LUZP2: variants seen among roughly 807,000 people sequenced by gnomAD.
LUZP2 encodes leucine zipper protein 2.
Under a neutral mutation model 51.6 loss-of-function variants are expected in LUZP2, and 52 were observed. The ratio of observed to expected loss-of-function variants is 1.01; its 90% CI spans 0.81 to 1.27. The LOEUF is 1.27. Ranked by LOEUF, LUZP2 falls within the 50% of genes most tolerant of loss-of-function variation. LUZP2 has a pLI of 0.00. For missense variants in LUZP2, 436 were observed against 395.4 expected (o/e 1.10, Z -0.87); for synonymous variants, 154 against 137.3 (o/e 1.12, Z -0.85).
intron 9 of LUZP2, among the ~76,000 whole-genome samples, chr11:24,992,162 T>G (rs973360089): frequency 3.3e-5 from 5 of 152,040 alleles, no homozygotes; most frequent in Admixed American, 6.6e-5. Context: ...GCCTGTGAGC[T>G]CCTCATAAAT....
intron 5 of LUZP2, among the ~76,000 whole-genome samples, chr11:24,789,631 T>C (rs1315901990): frequency 1.3e-5 from 2 of 152,156 alleles, no homozygotes; most frequent in South Asian, 4.1e-4. Flanking sequence ...TGTTGTAAAA[T>C]GGGTGGCTTA....
rs368949921 is a variant in LUZP2, at chr11:24,525,702, T to TTC, written c.62+28405_62+28406dup. On this transcript the variant is annotated intron_variant, in intron 1 of 11. Coordinates refer to ENST00000336930, the MANE Select transcript of LUZP2 (RefSeq NM_001009909.4). Reference sequence around the variant, plus strand: ...TTTCATCTGCAAATTCTCTAATATGTTCTCTCTCTATATATATATATACAC... The same window carrying TTC: ...TTTCATCTGCAAATTCTCTAATATGTTCTCTCTCTCTATATATATATATACAC... 3.8e-3 allele frequency among the ~76,000 whole-genome samples: 579 copies of TTC among 151,342 alleles called. 2 individuals carry two copies. Among genetic ancestry groups the TTC allele is most frequent in the African/African-American group, 0.012 (499 of 41,450 alleles).
chr11:24,795,645 T>C (rs972930784), intron 5 of LUZP2, among the ~76,000 whole-genome samples: 25 of 152,114 alleles, frequency 1.6e-4, no homozygotes, highest in African/African-American at 5.8e-4. Context: ...TACCAGGTTC[T>C]CCTCTGTTGC....
intron 7 of LUZP2, among the ~76,000 whole-genome samples, chr11:24,926,491 A>G (rs1490084230): frequency 2.1e-5 from 2 of 95,794 alleles, no homozygotes; most frequent in African/African-American, 8.2e-5. Context: ...GTGTATATAT[A>G]TGTGTATATA....
chr11:25,000,173 A>T (rs1856640439), intron 9 of LUZP2, among the ~76,000 whole-genome samples: 1 of 152,142 alleles, frequency 6.6e-6, no homozygotes, highest in East Asian at 1.9e-4. Flanking sequence ...GTGTGTTTAC[A>T]AACCTTTAGC....
intron 9 of LUZP2, among the ~76,000 whole-genome samples, chr11:25,046,835 C>A (rs1858329589): frequency 6.6e-6 from 1 of 152,028 alleles, no homozygotes; most frequent in South Asian, 2.1e-4. Context: ...TATATAGCAT[C>A]ATTTCATGTT....
chr11:24,641,317 C>T (rs1855273953), intron 1 of LUZP2, among the ~76,000 whole-genome samples: 1 of 151,782 alleles, frequency 6.6e-6, no homozygotes, highest in South Asian at 2.1e-4. Context: ...CAACAACTTG[C>T]AGTTGATATT....
At chr11:24,988,375 G>A (rs1262874101) in intron 9 of LUZP2, among the ~76,000 whole-genome samples, 1 of 151,948 alleles carries the variant, frequency 6.6e-6, no homozygotes, top group Non-Finnish European at 1.5e-5. Flanking sequence ...GGAAACAAGA[G>A]AGTCTATGTC....
chr11:24,500,156 T>G (rs544603747), intron 1 of LUZP2, among the ~76,000 whole-genome samples: 1 of 152,316 alleles, frequency 6.6e-6, no homozygotes, highest in Middle Eastern at 3.4e-3. Flanking sequence ...TTAATGTATT[T>G]GTCCTGAAAG....
intron 1 of LUZP2, among the ~76,000 whole-genome samples, chr11:24,555,948 A>T (rs1267409467): frequency 6.6e-6 from 1 of 152,224 alleles, no homozygotes; most frequent in Admixed American, 6.5e-5. Context: ...ACTGCACTCC[A>T]GTGTGGGCAA....
chr11:24,566,861 G>A (rs1026976667), intron 1 of LUZP2, among the ~76,000 whole-genome samples: 58 of 124,622 alleles, frequency 4.7e-4, no homozygotes, highest in African/African-American at 1.4e-3. Flanking sequence ...CATATATAAT[G>A]TATATACACA....
At chr11:24,561,132 GC>G (rs1393910433) in intron 1 of LUZP2, among the ~76,000 whole-genome samples, 2 of 152,126 alleles carry the variant, frequency 1.3e-5, no homozygotes, top group Non-Finnish European at 2.9e-5. Flanking sequence ...CAGGTACTGT[GC>G]TAGACTCTGG....
At chr11:24,529,749 T>C (rs897770369) in intron 1 of LUZP2, among the ~76,000 whole-genome samples, 2 of 151,020 alleles carry the variant, frequency 1.3e-5, no homozygotes, top group African/African-American at 4.8e-5. Context: ...AGTTAGCCTA[T>C]AATACAAAAT....
chr11:24,658,872 T>A (rs1855912488), intron 1 of LUZP2, among the ~76,000 whole-genome samples: 1 of 152,310 alleles, frequency 6.6e-6, no homozygotes, highest in Admixed American at 6.5e-5. Flanking sequence ...CACAATGAGA[T>A]AGCATCTCAC....
chr11:24,861,848 G>C (rs916732646), intron 5 of LUZP2, among the ~76,000 whole-genome samples: 1 of 152,244 alleles, frequency 6.6e-6, no homozygotes, highest in East Asian at 1.9e-4. Context: ...CACATAGTTT[G>C]GTGCCACAGG....
intron 1 of LUZP2, among the ~76,000 whole-genome samples, chr11:24,605,291 T>A (rs767608079): frequency 1.3e-5 from 2 of 151,828 alleles, no homozygotes; most frequent in African/African-American, 4.8e-5. Flanking sequence ...ACATGTCCTC[T>A]AATTAAACTC....
chr11:24,558,734 GA>G (rs1324326931), intron 1 of LUZP2, among the ~76,000 whole-genome samples: 1 of 152,110 alleles, frequency 6.6e-6, no homozygotes, highest in Admixed American at 6.6e-5. Flanking sequence ...AGTAGTTGAG[GA>G]AGCAGCTTTG....
chr11:24,985,940 G>T (rs998375560), intron 9 of LUZP2, among the ~76,000 whole-genome samples: 1 of 151,690 alleles, frequency 6.6e-6, no homozygotes, highest in Non-Finnish European at 1.5e-5. Context: ...GGTCTGCAAA[G>T]TCACTAGACA....
chr11:24,823,136 C>T (rs1012911497), intron 5 of LUZP2, among the ~76,000 whole-genome samples: 8 of 152,032 alleles, frequency 5.3e-5, no homozygotes, highest in Admixed American at 1.3e-4. Context: ...GAAGCTAATA[C>T]GGTAAGGTTA....
Sources: allele counts gnomAD v4.1 joint callset (sites outside exome capture counted in the v4.1 genomes callset), GRCh38; gene constraint gnomAD v4.1.1; transcripts MANE v1.5; gene names NCBI Gene and HGNC (gene_info 2026-07-23, HGNC 2026-07-21).